The following LGR6 variants were observed in gnomAD, a reference collection of about 807,000 sequenced individuals.
LGR6 encodes leucine-rich repeat-containing G protein-coupled receptor 6.
A neutral mutation model predicts 69.4 loss-of-function variants in LGR6; 45 were observed. The observed-to-expected ratio is 0.65, with a 90% CI of 0.51 to 0.83. LGR6 has a LOEUF of 0.83. Among genes scored for constraint, LGR6 ranks in the 40% least tolerant of loss-of-function variants. The pLI, the probability that LGR6 is intolerant of heterozygous loss-of-function variation, is 0.00. For synonymous variants in LGR6, 538 were observed against 555.0 expected, an observed-to-expected ratio of 0.97 and a Z score of 0.43; for missense variants, 1,108 against 1,246.7, an observed-to-expected ratio of 0.89 and a Z score of 1.68.
Position 202,194,011 on chromosome 1 carries a change from CG to C in LGR6, c.25del (p.Ala9ArgfsTer59). On this transcript the variant is annotated frameshift_variant, in exon 1 of 18. Coordinates refer to ENST00000367278, the MANE Select transcript of LGR6 (RefSeq NM_001017403.2). LOFTEE classifies it high-confidence loss of function. MPSPPGL[R>X]ALWLCAALCA... ...CGAGATGCCCAGCCCGCCGGGGCTC[CG>C]GGCGCTATGGCTTTGCGCCGCGCTG... 1 of 1,382,436 alleles carries C rather than the reference CG, an allele frequency of 7.2e-7. No homozygotes were observed. Among genetic ancestry groups the C allele is most frequent in the South Asian group, 1.6e-5 (1 of 62,540 alleles). 85.6% of individuals were successfully genotyped at this position (1,382,436 alleles called of 1,614,324 possible). A position where few individuals can be genotyped will look rare whatever the true frequency, so the allele number is the denominator to read the frequency against.
At chr1:202,289,585 A>G (rs1331470063) in intron 6 of LGR6, among the ~76,000 whole-genome samples, 2 of 152,214 alleles carry the variant, frequency 1.3e-5, no homozygotes, top group African/African-American at 4.8e-5. Context: ...CTCTCAATGG[A>G]AGCTAATGAC....
chr1:202,306,651 G>C, intron 12 of LGR6: 1 of 605,176 alleles, frequency 1.7e-6, no homozygotes. Flanking sequence ...TTGGGCCACA[G>C]GGATGGTTTT....
At chr1:202,250,827 G>A (rs1490840229) in intron 4 of LGR6, among the ~76,000 whole-genome samples, 1 of 152,192 alleles carries the variant, frequency 6.6e-6, no homozygotes, top group Non-Finnish European at 1.5e-5. Context: ...GGACCAGAGA[G>A]GTTAAGTAAT....
chr1:202,284,416 G>A (rs1221249647), intron 6 of LGR6, among the ~76,000 whole-genome samples: 3 of 152,184 alleles, frequency 2.0e-5, no homozygotes, highest in African/African-American at 7.2e-5. Context: ...CCAAATGTAG[G>A]TATTTGGGGG....
chr1:202,307,408 G>A lies in LGR6; in HGVS notation c.1280+7G>A, dbSNP rs1653330315. 1 of 1,613,832 alleles carries A rather than the reference G, an allele frequency of 6.2e-7. No individual in the cohort carries two copies. The highest frequency in any genetic ancestry group is 8.5e-7 in the Non-Finnish European group (1 of 1,179,744). On this transcript the variant is annotated splice_region_variant and intron_variant, in intron 14 of 17. Coordinates refer to ENST00000367278, the MANE Select transcript of LGR6 (RefSeq NM_001017403.2). ...TGCACTCCCTGGTCAAGCTGTAAGTGCCTGCTGCATTCTCCTCCAGGATGC... is the reference window on the plus strand; with the variant it reads ...TGCACTCCCTGGTCAAGCTGTAAGTACCTGCTGCATTCTCCTCCAGGATGC...
chr1:202,248,260 A>G (rs1218870630), intron 4 of LGR6, among the ~76,000 whole-genome samples: 1 of 152,200 alleles, frequency 6.6e-6, no homozygotes, highest in Non-Finnish European at 1.5e-5. Flanking sequence ...TGAGGAAACC[A>G]AGCAGTTGAA....
chr1:202,283,883 C>T (rs1666202260), intron 6 of LGR6, among the ~76,000 whole-genome samples: 1 of 152,252 alleles, frequency 6.6e-6, no homozygotes, highest in Non-Finnish European at 1.5e-5. Context: ...GGCTGTTTGG[C>T]TTCCAACCCT....
intron 3 of LGR6, among the ~76,000 whole-genome samples, chr1:202,229,689 G>A (rs80269266): frequency 0.015 from 2,257 of 152,220 alleles, 20 homozygotes; most frequent in Non-Finnish European, 0.025. Context: ...AGGGCAGCAG[G>A]GGGAGGTTGT....
At chr1:202,259,415 C>A (rs905859165) in intron 4 of LGR6, among the ~76,000 whole-genome samples, 1 of 152,192 alleles carries the variant, frequency 6.6e-6, no homozygotes, top group Non-Finnish European at 1.5e-5. Context: ...AGAGCAAATT[C>A]TTTGATAACA....
intron 8 of LGR6, 115 bp from the exon 9 acceptor site, chr1:202,301,049 C>G: frequency 7.5e-7 from 1 of 1,327,462 alleles, no homozygotes; most frequent in South Asian, 1.2e-5. Context: ...GGTTGCCTTT[C>G]CCTGCATGTT....
At chr1:202,267,505 A>G (rs1412260873) in intron 4 of LGR6, among the ~76,000 whole-genome samples, 3 of 152,184 alleles carry the variant, frequency 2.0e-5, no homozygotes, top group African/African-American at 4.8e-5. Flanking sequence ...CTGATGTTCA[A>G]ATCTTGATAA....
intron 4 of LGR6, chr1:202,236,353 G>A (rs1661550798): frequency 3.3e-6 from 1 of 299,614 alleles, no homozygotes; most frequent in Admixed American, 4.8e-5. Context: ...GAAGCATCAG[G>A]AAGGGGTTGT....
chr1:202,240,098 C>T (rs183654735), intron 4 of LGR6, among the ~76,000 whole-genome samples: 18 of 152,168 alleles, frequency 1.2e-4, no homozygotes, highest in Middle Eastern at 3.4e-3. Flanking sequence ...GCAGGCTGGG[C>T]GCAGTGGCTC....
intron 4 of LGR6, among the ~76,000 whole-genome samples, chr1:202,246,886 A>G (rs1662751161): frequency 1.3e-5 from 2 of 152,318 alleles, no homozygotes; most frequent in Admixed American, 1.3e-4. Context: ...AGGTCCTGTG[A>G]TCCTTTTTTT....
intron 4 of LGR6, among the ~76,000 whole-genome samples, chr1:202,247,213 C>T (rs529513828): frequency 1.3e-5 from 2 of 152,370 alleles, no homozygotes; most frequent in Non-Finnish European, 2.9e-5. Context: ...CCAATCCTCG[C>T]CACTCAAAGT....
At chr1:202,317,078 G>T (rs1307745094) in intron 17 of LGR6, among the ~76,000 whole-genome samples, 1 of 152,160 alleles carries the variant, frequency 6.6e-6, no homozygotes, top group Non-Finnish European at 1.5e-5. Flanking sequence ...ATAATATTTG[G>T]TCAGGACTCT....
chr1:202,197,038 A>G (rs767819327), intron 1 of LGR6: 1 of 533,374 alleles, frequency 1.9e-6, no homozygotes, highest in South Asian at 1.4e-5. Context: ...AGCAGGCCAG[A>G]GAAGACTCGA....
chr1:202,197,450 C>T, intron 1 of LGR6: 1 of 533,406 alleles, frequency 1.9e-6, no homozygotes, highest in Non-Finnish European at 3.8e-6. Flanking sequence ...AAACTATAGT[C>T]TCAGCGAGGC....
chr1:202,224,547 G>C (rs569379431), intron 1 of LGR6, among the ~76,000 whole-genome samples: 49 of 152,266 alleles, frequency 3.2e-4, no homozygotes, highest in Non-Finnish European at 4.3e-4. Flanking sequence ...TTTTTTCCAC[G>C]GACAGGGGTG....
Sources: gnomAD v4.1 joint callset for allele counts (sites outside exome capture counted in the v4.1 genomes callset) on GRCh38, gnomAD v4.1.1 for gene constraint, MANE v1.5 for transcripts, NCBI Gene and HGNC (gene_info 2026-07-23, HGNC 2026-07-21) for gene names.